Variants in NWD1 observed in about 807,000 individuals in gnomAD.
NWD1 encodes NACHT and WD repeat domain containing 1.
In NWD1, 129 loss-of-function variants were observed where a neutral mutation model predicts 135.1. The observed-to-expected ratio is 0.96, with a 90% CI of 0.83 to 1.11. The LOEUF is 1.11. Ranked by LOEUF, NWD1 falls within the 50% of genes least tolerant of loss-of-function variation. The pLI, the probability that NWD1 is intolerant of heterozygous loss-of-function variation, is 0.00. For missense variants in NWD1, 1,740 were observed against 1,851.3 expected (o/e 0.94, Z 1.10); for synonymous variants, 773 against 786.0 (o/e 0.98, Z 0.28).
At position 16,744,587 on chromosome 19, in the gene NWD1, A is replaced by G. The variant is rs778315696; in HGVS notation, c.365A>G (p.Gln122Arg). ...GCGTTTCCTCCCACCTACGTCCTGC[A>G]GGCACCAGGTACTGGGGAGGCCTGT... ...ENAFPPTYVL[Q>R]APGTGEACEP... is the part of the protein sequence containing the mutation. The change falls in exon 5 of 19, where the codon CAG (glutamine) becomes CGG (arginine). Residue 122 changes from glutamine (Q) to arginine (R), a missense_variant. Gln to Arg is a conservative substitution (Grantham distance 43). Transcript: ENST00000524140. 4 of 1,535,078 alleles carry G rather than the reference A, an allele frequency of 2.6e-6. No individual in the cohort carries two copies. The Admixed American group carries it at 7.9e-5, about 30-fold the overall frequency.
intron 12 of NWD1, among the ~76,000 whole-genome samples, chr19:16,788,232 AAATAATAATAATAATAATAAT>A (rs200511332): frequency 0.011 from 1,300 of 115,406 alleles, 27 homozygotes; most frequent in African/African-American, 0.04. Context: ...CTTCATCTCA[AAATAATAATAATAATAATAAT>A]AATAATAATA....
rs769324349 is a variant in NWD1 at position 16,808,083 on chromosome 19, C to T, written c.4234C>T (p.Leu1412=). ...LVVSGSEDAL[L]CLWDLQARKW... is the part of the protein sequence containing the mutation. The stretch of plus-strand genomic sequence containing the variant: ...GGTCAGCGGGTCTGAGGATGCCCTG[C>T]TGTGTCTCTGGGACCTGCAGGCACG... The change falls in exon 18 of 19, where the codon CTG becomes TTG. Residue 1412 remains leucine (L), a synonymous_variant. Transcript: ENST00000524140. 1.2e-6 allele frequency: 2 copies of T among 1,614,112 alleles called. No homozygotes were observed. Among genetic ancestry groups the T allele is most frequent in the Non-Finnish European group, 8.5e-7 (1 of 1,180,018 alleles).
chr19:16,808,119 T>C lies in NWD1; in HGVS notation c.4270T>C (p.Phe1424Leu). Residue 1424 changes from phenylalanine (F) to leucine (L), a missense_variant, in exon 18 of 19, where the codon TTC becomes CTC. By Grantham distance (22) the Phe-to-Leu change is conservative. Transcript: ENST00000524140. ...GGACCTGCAGGCACGCAAGTGGAAA[T>C]TCGAGATGAGCTACACGGTGGGTGG... ...LWDLQARKWK[F>L]EMSYTAPC 6.2e-7 allele frequency: 1 copy of C among 1,613,560 alleles called. No individual in the cohort carries two copies. The highest frequency in any genetic ancestry group is 8.5e-7 in the Non-Finnish European group (1 of 1,179,958).
In NWD1 at chr19:16,779,371, GGAGAA is replaced by G. The variant is rs1219578436; in HGVS notation, c.2639_2643del (p.Glu880AlafsTer77). The G allele has an allele frequency of 6.2e-7, 1 of 1,613,834 alleles. No individual in the cohort carries two copies. Among genetic ancestry groups the G allele is most frequent in the African/African-American group, 1.3e-5 (1 of 74,908 alleles). ...TCACCGCCATGGCATGGGGTGTGGA[GGAGAA>G]GCTGCTGGTGATTGGCACCCAGGAT... On this transcript the variant is annotated frameshift_variant, in exon 12 of 19. Coordinates refer to ENST00000524140, the MANE Select transcript of NWD1 (RefSeq NM_001007525.5). LOFTEE classifies it high-confidence loss of function.
intron 8 of NWD1, among the ~76,000 whole-genome samples, chr19:16,763,542 A>G (rs1206708546): frequency 1.3e-5 from 2 of 152,076 alleles, no homozygotes; most frequent in Non-Finnish European, 2.9e-5. Flanking sequence ...ATTTTGCCAC[A>G]TAGATGCCCA....
intron 11 of NWD1, among the ~76,000 whole-genome samples, chr19:16,775,155 A>G (rs1599506575): frequency 6.6e-6 from 1 of 152,096 alleles, no homozygotes; most frequent in South Asian, 2.1e-4. Flanking sequence ...TATTTTCAAA[A>G]TAGAAATGCT....
intron 7 of NWD1, among the ~76,000 whole-genome samples, chr19:16,760,316 G>T (rs1166461020): frequency 6.7e-6 from 1 of 150,236 alleles, no homozygotes; most frequent in African/African-American, 2.5e-5. Context: ...GCAGTACAGT[G>T]GTTGTCATCA....
chr19:16,793,067 A>AAAAG (rs1480894971), intron 14 of NWD1, among the ~76,000 whole-genome samples: 2 of 151,782 alleles, frequency 1.3e-5, no homozygotes, highest in Admixed American at 6.6e-5. Context: ...AAATAAAAAA[A>AAAAG]AAAAGAAAAG....
intron 3 of NWD1, among the ~76,000 whole-genome samples, chr19:16,732,631 G>C (rs1348329519): frequency 1.1e-5 from 1 of 87,984 alleles, no homozygotes; most frequent in Non-Finnish European, 2.1e-5. Flanking sequence ...AGGTCCAGTG[G>C]ATGACAGAGC....
chr19:16,802,002 A>G (rs919148565), intron 17 of NWD1, among the ~76,000 whole-genome samples: 2 of 151,832 alleles, frequency 1.3e-5, no homozygotes, highest in Non-Finnish European at 2.9e-5. Context: ...AATAAAAATA[A>G]TGGCCGGGCA....
chr19:16,762,043 G>GTCCT lies in NWD1; in HGVS notation c.2039_2042dup (p.Ala682ProfsTer86), dbSNP rs1254000325. ...ATCCGAGAGAGCCAAGAGGCATGGC[G>GTCCT]TCCTGGCCGACTTCTTCTCAGGGAC... On this transcript the variant is annotated frameshift_variant, in exon 8 of 19. Transcript: ENST00000524140. LOFTEE classifies it high-confidence loss of function. 3 of 1,613,818 alleles carry GTCCT rather than the reference G, an allele frequency of 1.9e-6. No individual in the cohort carries two copies. The highest frequency in any genetic ancestry group is 2.5e-6 in the Non-Finnish European group (3 of 1,179,852).
intron 7 of NWD1, among the ~76,000 whole-genome samples, chr19:16,760,296 C>T (rs900535195): frequency 3.9e-4 from 51 of 131,084 alleles, no homozygotes; most frequent in African/African-American, 1.3e-3. Context: ...GACAGGGTCT[C>T]GCCCAGGCTG....
Position 16,799,972 on chromosome 19 carries a change from T to G in NWD1, c.3546T>G (p.Ala1182=). 1 of 1,614,150 alleles carries G rather than the reference T, an allele frequency of 6.2e-7. No homozygotes were observed. Among genetic ancestry groups the G allele is most frequent in the Non-Finnish European group, 8.5e-7 (1 of 1,180,018 alleles). Residue 1182 remains alanine (A), a synonymous_variant, in exon 17 of 19, where the codon GCT becomes GCG. Coordinates refer to ENST00000524140, the MANE Select transcript of NWD1 (RefSeq NM_001007525.5). The part of the protein sequence containing the change: ...APVSLLARGG[A]LVASASPQSS... ...TGAGCCTGCTGGCCCGCGGCGGGGCTTTGGTGGCATCTGCTTCCCCACAGT... is the reference window on the plus strand; with the variant it reads ...TGAGCCTGCTGGCCCGCGGCGGGGCGTTGGTGGCATCTGCTTCCCCACAGT...
intron 14 of NWD1, among the ~76,000 whole-genome samples, chr19:16,792,674 C>G (rs965810145): frequency 5.3e-5 from 8 of 149,984 alleles, no homozygotes; most frequent in Non-Finnish European, 1.2e-4. Flanking sequence ...AAGAGCAAAA[C>G]TCCATCTCAG....
rs915577804 is a variant in NWD1 at position 16,815,704 on chromosome 19, T to C, written c.*665T>C. On this transcript the variant is annotated 3_prime_UTR_variant, in exon 19 of 19. Transcript: ENST00000524140. ...GCAGAGCTCTAATCGGCTAGACTGATCCAATGTCCACCACTGGGACTGAGA... is the reference window on the plus strand; with the variant it reads ...GCAGAGCTCTAATCGGCTAGACTGACCCAATGTCCACCACTGGGACTGAGA... The C allele has an allele frequency of 5.4e-6, 1 of 183,492 alleles. No individual in the cohort carries two copies. The highest frequency in any genetic ancestry group is 2.4e-5 in the African/African-American group (1 of 41,986). The allele number at this position is 183,492 out of a possible 1,614,324, so 11.4% of individuals were successfully genotyped here.
At chr19:16,778,773 T>C (rs1204202539) in intron 11 of NWD1, among the ~76,000 whole-genome samples, 1 of 152,164 alleles carries the variant, frequency 6.6e-6, no homozygotes, top group African/African-American at 2.4e-5. Flanking sequence ...CCTCCCAAAG[T>C]TTGGCCTCCC....
chr19:16,738,778 A>G (rs1967951564), intron 4 of NWD1, among the ~76,000 whole-genome samples: 1 of 66,836 alleles, frequency 1.5e-5, no homozygotes, highest in Non-Finnish European at 3.7e-5. Context: ...GATATATAAT[A>G]TATAATATAT....
chr19:16,763,319 C>A (rs1361526338), intron 8 of NWD1, among the ~76,000 whole-genome samples: 1 of 152,096 alleles, frequency 6.6e-6, no homozygotes, highest in Admixed American at 6.6e-5. Context: ...TCCATAGCTC[C>A]CCAGTGCCCT....
rs193151590 is a variant in NWD1 at position 16,816,600 on chromosome 19, C to T, written c.*1561C>T. The T allele has an allele frequency of 6.6e-6, 1 of 152,352 alleles. No individual in the cohort carries two copies. The highest frequency in any genetic ancestry group is 1.5e-5 in the Non-Finnish European group (1 of 68,042). 9.4% of individuals were successfully genotyped at this position (152,352 alleles called of 1,614,324 possible). A position where few individuals can be genotyped will look rare whatever the true frequency, so the allele number is the denominator to read the frequency against. On this transcript the variant is annotated 3_prime_UTR_variant, in exon 19 of 19. Transcript: ENST00000524140. Reference sequence around the variant, plus strand: ...CAACAGTCAAACTGTTTTCATTCCACTTAAGTGGATCTTTCTTCTTTGCCC... The same window carrying T: ...CAACAGTCAAACTGTTTTCATTCCATTTAAGTGGATCTTTCTTCTTTGCCC...
Sources: gnomAD v4.1 joint callset for allele counts (sites outside exome capture counted in the v4.1 genomes callset) on GRCh38, gnomAD v4.1.1 for gene constraint, MANE v1.5 for transcripts, NCBI Gene and HGNC (gene_info 2026-07-23, HGNC 2026-07-21) for gene names.